Variants in PCDH11Y observed in about 807,000 individuals in gnomAD.
The protein encoded by PCDH11Y is protocadherin-11 Y-linked.
For synonymous variants in PCDH11Y, 9 were observed against 83.6 expected (o/e 0.11, Z 4.87); for missense variants, 12 against 224.8 (o/e 0.05, Z 6.05).
intron 4 of PCDH11Y, among the ~76,000 whole-genome samples, chrY:5,708,519 T>G: frequency 3.0e-5 from 1 of 33,428 alleles, no homozygotes; most frequent in Non-Finnish European, 7.4e-5. Flanking sequence ...GCATATAATC[T>G]TTATTAGTTT....
intron 2 of PCDH11Y, among the ~76,000 whole-genome samples, chrY:5,112,208 GTCC>G (rs2052803350): frequency 3.1e-5 from 1 of 32,743 alleles, no homozygotes; most frequent in African/African-American, 1.2e-4. Flanking sequence ...TTCTGTATGT[GTCC>G]TCATGTTTTT....
At chrY:5,270,994 G>A in intron 2 of PCDH11Y, among the ~76,000 whole-genome samples, 1 of 33,341 alleles carries the variant, frequency 3.0e-5, no homozygotes, top group Non-Finnish European at 7.4e-5. Flanking sequence ...TCTACCAAAC[G>A]CAAAATTATA....
downstream of PCDH11Y, among the ~76,000 whole-genome samples, chrY:5,109,090 A>T: frequency 3.0e-5 from 1 of 32,983 alleles, no homozygotes; most frequent in East Asian, 8.0e-4. Context: ...GGCTTTTATG[A>T]AGCTTAGTTT....
intron 2 of PCDH11Y, among the ~76,000 whole-genome samples, chrY:5,372,584 G>A (rs2053188528): frequency 3.2e-5 from 1 of 30,936 alleles, no homozygotes; most frequent in Admixed American, 2.9e-4. Flanking sequence ...GATTGCCAAA[G>A]GCAGGTAGAC....
chrY:5,017,003 T>C, intron 1 of PCDH11Y, among the ~76,000 whole-genome samples: 1 of 33,642 alleles, frequency 3.0e-5, no homozygotes, highest in Non-Finnish European at 7.4e-5. Flanking sequence ...ATTAATGGAA[T>C]GGAGTTGTAA....
At chrY:5,050,120 T>G in intron 3 of PCDH11Y, among the ~76,000 whole-genome samples, 1 of 33,354 alleles carries the variant, frequency 3.0e-5, no homozygotes, top group Admixed American at 2.7e-4. Flanking sequence ...AAGATTGGTT[T>G]TAAAAGGTTG....
intron 2 of PCDH11Y, among the ~76,000 whole-genome samples, chrY:5,233,895 T>C: frequency 3.0e-5 from 1 of 33,023 alleles, no homozygotes; most frequent in South Asian, 6.7e-4. Flanking sequence ...AACAAGATAG[T>C]CTATCCTAAA....
intron 4 of PCDH11Y, among the ~76,000 whole-genome samples, chrY:5,633,110 T>C (rs2053513639): frequency 1.7e-3 from 53 of 32,115 alleles, no homozygotes; most frequent in Admixed American, 4.9e-3. Context: ...CATATAGTTA[T>C]ATTCTGAACA....
intron 2 of PCDH11Y, among the ~76,000 whole-genome samples, chrY:5,122,464 GA>G (rs2052819776): frequency 3.1e-5 from 1 of 32,627 alleles, no homozygotes; most frequent in Non-Finnish European, 7.5e-5. Flanking sequence ...ATGGGAACAG[GA>G]AGCAAAAATT....
intron 4 of PCDH11Y, among the ~76,000 whole-genome samples, chrY:5,730,920 T>A: frequency 6.4e-5 from 2 of 31,493 alleles, no homozygotes; most frequent in Non-Finnish European, 1.6e-4. Context: ...TTGCATATGC[T>A]GTACCAATCT....
At chrY:5,502,979 C>G in intron 3 of PCDH11Y, among the ~76,000 whole-genome samples, 1 of 32,830 alleles carries the variant, frequency 3.0e-5, no homozygotes, top group Admixed American at 2.8e-4. Context: ...TGGTATGTGT[C>G]AGAAATAGTA....
chrY:5,242,816 TTG>T (rs2052990126), intron 2 of PCDH11Y, among the ~76,000 whole-genome samples: 2 of 33,736 alleles, frequency 5.9e-5, no homozygotes, highest in African/African-American at 1.2e-4. Context: ...GTCAATAAAA[TTG>T]TGTAGATATA....
intron 2 of PCDH11Y, among the ~76,000 whole-genome samples, chrY:5,304,368 G>A: frequency 3.1e-5 from 1 of 32,664 alleles, no homozygotes; most frequent in African/African-American, 1.2e-4. Flanking sequence ...ATGAATCACT[G>A]ACCCAGAAAT....
At chrY:5,400,062 G>A in intron 2 of PCDH11Y, among the ~76,000 whole-genome samples, 1 of 33,278 alleles carries the variant, frequency 3.0e-5, no homozygotes, top group Non-Finnish European at 7.4e-5. Flanking sequence ...GAAATCAGGC[G>A]GCTGACAGCC....
At chrY:5,257,757 T>C (rs2053013141) in intron 2 of PCDH11Y, among the ~76,000 whole-genome samples, 2 of 32,873 alleles carry the variant, frequency 6.1e-5, no homozygotes, top group Non-Finnish European at 1.5e-4. Context: ...CTTGTAGTTT[T>C]CTTTCTTCAC....
chrY:5,231,896 A>G, intron 2 of PCDH11Y, among the ~76,000 whole-genome samples: 1 of 32,967 alleles, frequency 3.0e-5, no homozygotes, highest in African/African-American at 1.2e-4. Flanking sequence ...CCCTCTTTCC[A>G]AAGGCAGAGG....
chrY:5,043,590 T>C, intron 3 of PCDH11Y, among the ~76,000 whole-genome samples: 1 of 33,607 alleles, frequency 3.0e-5, no homozygotes, highest in Non-Finnish European at 7.4e-5. Flanking sequence ...GTTGTGTCTC[T>C]GCCCGGCTTT....
intron 2 of PCDH11Y, among the ~76,000 whole-genome samples, chrY:5,202,943 G>A (rs1602885755): frequency 3.1e-5 from 1 of 32,550 alleles, no homozygotes; most frequent in African/African-American, 1.2e-4. Flanking sequence ...ATCACACTTC[G>A]CACATCTCTT....
intron 2 of PCDH11Y, among the ~76,000 whole-genome samples, chrY:5,394,113 T>C (rs2053224613): frequency 1.5e-4 from 5 of 33,357 alleles, no homozygotes; most frequent in Non-Finnish European, 2.9e-4. Context: ...TCCTGAATTA[T>C]ATATATGTGT....
Sources: gnomAD v4.1 joint callset for allele counts (sites outside exome capture counted in the v4.1 genomes callset) on GRCh38, gnomAD v4.1.1 for gene constraint, MANE v1.5 for transcripts, NCBI Gene and HGNC (gene_info 2026-07-23, HGNC 2026-07-21) for gene names.